The following AJAP1 variants were observed in gnomAD, a reference collection of about 807,000 sequenced individuals.
AJAP1 encodes adherens junction-associated protein 1.
Under a neutral mutation model 35.0 loss-of-function variants are expected in AJAP1, and 5 were observed. The observed-to-expected ratio is 0.14, with a 90% CI of 0.07 to 0.30. The LOEUF is 0.30. Among genes scored for constraint, AJAP1 ranks in the 10% least tolerant of loss-of-function variants. The pLI, the probability that AJAP1 is intolerant of heterozygous loss-of-function variation, is 1.00. For synonymous variants in AJAP1, 284 were observed against 249.3 expected, an observed-to-expected ratio of 1.14 and a Z score of -1.31; for missense variants, 586 against 571.0, an observed-to-expected ratio of 1.03 and a Z score of -0.27.
rs1377024805 is a variant in AJAP1 at position 4,654,967 on chromosome 1, C to A, written c.-459C>A. 6.7e-6 allele frequency: 1 copy of A among 149,748 alleles called. No homozygotes were observed. Among genetic ancestry groups the A allele is most frequent in the East Asian group, 2.0e-4 (1 of 5,104 alleles). 9.3% of individuals were successfully genotyped at this position (149,748 alleles called of 1,614,324 possible). ...ACCCTAAGCAGCGCCGCCCCATCGG[C>A]GCGGAGCTCCGGCTGGAGGCAAGAG... On this transcript the variant is annotated 5_prime_UTR_variant, in exon 1 of 6. Transcript: ENST00000378191. The surrounding 1 kb of genome is among the most constrained non-coding windows in gnomAD (Gnocchi z 5.1).
chr1:4,775,232 A>C (rs886790334), intron 5 of AJAP1, among the ~76,000 whole-genome samples: 5 of 152,286 alleles, frequency 3.3e-5, no homozygotes, highest in Non-Finnish European at 7.3e-5. Context: ...GAGTCTTCAG[A>C]GCACTCGGGC....
chr1:4,701,967 C>T (rs539353254), intron 1 of AJAP1, among the ~76,000 whole-genome samples: 1 of 152,304 alleles, frequency 6.6e-6, no homozygotes, highest in East Asian at 1.9e-4. Flanking sequence ...TCATAGATTG[C>T]CCAGGAAGTA....
At position 4,656,192 on chromosome 1, in the gene AJAP1, G is replaced by A. The variant is rs577423522; in HGVS notation, c.29+738G>A. Among the ~76,000 whole-genome samples, 1 of 152,270 alleles carries A rather than the reference G, an allele frequency of 6.6e-6. No individual in the cohort carries two copies. The highest frequency in any genetic ancestry group is 1.9e-4 in the East Asian group (1 of 5,140). ...GGGCCAGATGGAAGAGGGGGTTCGAGCCTAGAGCCCGTGGTGGGGGTGTCC... is the reference window on the plus strand; with the variant it reads ...GGGCCAGATGGAAGAGGGGGTTCGAACCTAGAGCCCGTGGTGGGGGTGTCC... On this transcript the variant is annotated intron_variant, in intron 1 of 5. Transcript: ENST00000378191. This position sits in a 1 kb window ranked among gnomAD's most constrained non-coding sequence, Gnocchi z 5.7.
At position 4,712,374 on chromosome 1, in the gene AJAP1, C is replaced by T. The variant is rs1175760656; in HGVS notation, c.504C>T (p.Asp168=). The T allele has an allele frequency of 1.3e-6, 2 of 1,541,980 alleles. No homozygotes were observed. Among genetic ancestry groups the T allele is most frequent in the Non-Finnish European group, 1.8e-6 (2 of 1,142,584 alleles). ...HLQGDGLSSF[D]SRGSRPTTET... ...AGGGGGACGGTCTCAGCAGCTTCGACTCCAGAGGCAGCCGGCCCACCACAG... is the reference window on the plus strand; with the variant it reads ...AGGGGGACGGTCTCAGCAGCTTCGATTCCAGAGGCAGCCGGCCCACCACAG... Residue 168 remains aspartate, a synonymous_variant, in exon 2 of 6, where the codon GAC becomes GAT. Transcript: ENST00000378191.
chr1:4,711,708 T>C (rs1422331920), intron 1 of AJAP1, among the ~76,000 whole-genome samples, 192 bp from the exon 2 acceptor site: 1 of 152,146 alleles, frequency 6.6e-6, no homozygotes, highest in African/African-American at 2.4e-5. Flanking sequence ...GCGCGCGCTG[T>C]TCTTGCACGT....
intron 2 of AJAP1, among the ~76,000 whole-genome samples, chr1:4,719,580 G>A (rs1047345361): frequency 3.9e-5 from 6 of 152,136 alleles, no homozygotes; most frequent in African/African-American, 1.4e-4. Flanking sequence ...AGATAGAGTA[G>A]GCAGAGCTCC....
chr1:4,679,151 C>G (rs535006293), intron 1 of AJAP1, among the ~76,000 whole-genome samples: 63 of 152,302 alleles, frequency 4.1e-4, no homozygotes, highest in African/African-American at 1.3e-3. Flanking sequence ...AGAGAACCAT[C>G]CTATTTCAAA....
rs571540104 is a variant in AJAP1, at chr1:4,686,706, C to T, written c.30-25194C>T. 5.3e-5 allele frequency among the ~76,000 whole-genome samples: 8 copies of T among 152,318 alleles called. No homozygotes were observed. In the East Asian group the frequency reaches 1.2e-3, roughly 22 times the overall value. On this transcript the variant is annotated intron_variant, in intron 1 of 5. Transcript: ENST00000378191. ...AAAGGAAGAGTCACTTAGATGCCCA[C>T]GTGGATGGAGCTCTTCTAGAAAGGC...
chr1:4,655,450 C>G lies in AJAP1; in HGVS notation c.25C>G (p.Leu9Val). 4 of 1,569,858 alleles carry G rather than the reference C, an allele frequency of 2.5e-6. No individual in the cohort carries two copies. The highest frequency in any genetic ancestry group is 3.5e-6 in the Non-Finnish European group (4 of 1,158,180). The change falls in exon 1 of 6, where the codon CTC (leucine) becomes GTC (valine). Residue 9 changes from leucine to valine, a missense_variant. Physicochemically the swap from Leu to Val is conservative, Grantham distance 32. Transcript: ENST00000378191. The surrounding 1 kb of genome is among the most constrained non-coding windows in gnomAD (Gnocchi z 6.9). The part of the protein sequence containing the change: MWIQQLLG[L>V]SSMSIRWPGR... Reference sequence around the variant, plus strand: ...CATGTGGATTCAACAGCTTTTAGGACTCAGGTGAGCGACCCGGCCGGCGCC... The same window carrying G: ...CATGTGGATTCAACAGCTTTTAGGAGTCAGGTGAGCGACCCGGCCGGCGCC...
At chr1:4,676,714 C>A (rs13376167) in intron 1 of AJAP1, among the ~76,000 whole-genome samples, 16,462 of 152,146 alleles carry the variant, frequency 0.11, 1,093 homozygotes, top group East Asian at 0.29. Flanking sequence ...CAGATCTTTG[C>A]TCTCAGTATT....
chr1:4,759,016 A>G (rs973590649), intron 2 of AJAP1, among the ~76,000 whole-genome samples: 3 of 152,194 alleles, frequency 2.0e-5, no homozygotes, highest in Non-Finnish European at 2.9e-5. Context: ...TGCAGGTTGA[A>G]CCAGCTCCAA....
At chr1:4,704,026 G>A (rs186087780) in intron 1 of AJAP1, among the ~76,000 whole-genome samples, 1 of 152,248 alleles carries the variant, frequency 6.6e-6, no homozygotes, top group Admixed American at 6.5e-5. Context: ...GAAATGTTTG[G>A]AACATTGAAG....
chr1:4,776,955 C>T (rs1641953173), intron 5 of AJAP1, among the ~76,000 whole-genome samples: 1 of 152,250 alleles, frequency 6.6e-6, no homozygotes, highest in Admixed American at 6.5e-5. Context: ...CCACGGCCCA[C>T]TCCTGGTGGC....
At chr1:4,679,808 GGTGTGTGTGTGT>G (rs60846836) in intron 1 of AJAP1, among the ~76,000 whole-genome samples, 31,550 of 142,404 alleles carry the variant, frequency 0.22, 3,719 homozygotes, top group East Asian at 0.47. Flanking sequence ...GAACCAATAG[GGTGTGTGTGTGT>G]GTGTGTGTGT....
Position 4,747,273 on chromosome 1 carries a change from A to G in AJAP1, c.830-22580A>G, listed in dbSNP as rs114391730. On this transcript the variant is annotated intron_variant, in intron 2 of 5. Coordinates refer to ENST00000378191, the MANE Select transcript of AJAP1 (RefSeq NM_018836.4). Reference sequence around the variant, plus strand: ...ACTCTGGCCCTCTCCACTTGCCCACACTCCGATACACCCCTGACTGCTCCT... The same window carrying G: ...ACTCTGGCCCTCTCCACTTGCCCACGCTCCGATACACCCCTGACTGCTCCT... Among the ~76,000 whole-genome samples the G allele has an allele frequency of 6.3e-3, 952 of 151,606 alleles. 9 individuals carry two copies. Among genetic ancestry groups the G allele is most frequent in the African/African-American group, 0.021 (871 of 41,302 alleles).
Position 4,701,991 on chromosome 1 carries a change from C to T in AJAP1, c.30-9909C>T, listed in dbSNP as rs183201345. Among the ~76,000 whole-genome samples, 152 of 152,318 alleles carry T rather than the reference C, an allele frequency of 1.0e-3. 1 individual carries two copies. The highest frequency in any genetic ancestry group is 2.5e-3 in the South Asian group (12 of 4,826). On this transcript the variant is annotated intron_variant, in intron 1 of 5. Transcript: ENST00000378191. ...GCCCAGGAAGTAGTCCCTGAAATTA[C>T]AGGTCACAGGAGTTACTGATTTTGC...
intron 2 of AJAP1, among the ~76,000 whole-genome samples, chr1:4,724,646 C>T (rs371962348): frequency 6.7e-6 from 1 of 149,412 alleles, no homozygotes; most frequent in South Asian, 2.1e-4. Context: ...CTTGAGGGGC[C>T]GCAACAAAAC....
chr1:4,777,783 A>C (rs1641969410), intron 5 of AJAP1: 1 of 152,240 alleles, frequency 6.6e-6, no homozygotes, highest in African/African-American at 2.4e-5. Flanking sequence ...ACTAATAAAA[A>C]ATAAGAAGTG....
intron 1 of AJAP1, among the ~76,000 whole-genome samples, chr1:4,694,546 C>G (rs539765027): frequency 3.9e-5 from 6 of 152,332 alleles, no homozygotes; most frequent in Non-Finnish European, 7.3e-5. Flanking sequence ...CCGAGTGGTC[C>G]AGGCCCACAG....
Sources: allele counts gnomAD v4.1 joint callset (sites outside exome capture counted in the v4.1 genomes callset), GRCh38; gene constraint gnomAD v4.1.1; non-coding constraint Gnocchi (gnomAD v3.1); transcripts MANE v1.5; gene names NCBI Gene and HGNC (gene_info 2026-07-23, HGNC 2026-07-21).